APP: variants seen among roughly 807,000 people sequenced by gnomAD.
APP encodes amyloid beta precursor protein, also known as amyloid-beta precursor protein.
A neutral mutation model predicts 101.4 loss-of-function variants in APP; 31 were observed. The ratio of observed to expected loss-of-function variants is 0.31; its 90% CI spans 0.23 to 0.41. The LOEUF (loss-of-function observed/expected upper bound fraction) is 0.41, where lower values mean the gene tolerates loss of function less well. Ranked by LOEUF, APP falls within the 10% of genes least tolerant of loss-of-function variation. The pLI, the probability that APP is intolerant of heterozygous loss-of-function variation, is 1.00. For synonymous variants in APP, 366 were observed against 364.4 expected (o/e 1.00, Z -0.05); for missense variants, 839 against 1,003.7 (o/e 0.84, Z 2.22).
chr21:25,997,492 A>G, intron 7 of APP, 76 bp from the exon 8 acceptor site: 1 of 1,347,552 alleles, frequency 7.4e-7, no homozygotes, highest in South Asian at 1.2e-5. Context: ...GCACGAGTCC[A>G]CTGACAAAAA....
chr21:26,065,957 C>G (rs2046437944), intron 3 of APP, among the ~76,000 whole-genome samples: 1 of 152,170 alleles, frequency 6.6e-6, no homozygotes, highest in South Asian at 2.1e-4. Context: ...GATCAGTCTG[C>G]AGATTCATCT....
At chr21:25,894,222 T>G (rs940351510) in intron 16 of APP, among the ~76,000 whole-genome samples, 10 of 152,110 alleles carry the variant, frequency 6.6e-5, no homozygotes, top group African/African-American at 2.4e-4. Flanking sequence ...TACAGGGAGA[T>G]TACTGTTGTT....
At chr21:26,091,305 G>A (rs529806543) in intron 2 of APP, among the ~76,000 whole-genome samples, 58 of 152,326 alleles carry the variant, frequency 3.8e-4, no homozygotes, top group Middle Eastern at 3.4e-3. Context: ...CACTCCAGGG[G>A]CTAAAGAATG....
At chr21:25,951,396 A>G (rs1485303092) in intron 13 of APP, among the ~76,000 whole-genome samples, 1 of 152,200 alleles carries the variant, frequency 6.6e-6, no homozygotes, top group East Asian at 1.9e-4. Flanking sequence ...AGCAACTGTT[A>G]CCATTATTTA....
At chr21:25,885,196 A>T (rs899585249) in intron 17 of APP, among the ~76,000 whole-genome samples, 3 of 152,232 alleles carry the variant, frequency 2.0e-5, no homozygotes, top group African/African-American at 7.2e-5. Flanking sequence ...CTTGAAAGCT[A>T]GATGCGAAAA....
chr21:25,980,254 G>A (rs892847547), intron 9 of APP, among the ~76,000 whole-genome samples: 1 of 152,158 alleles, frequency 6.6e-6, no homozygotes, highest in Non-Finnish European at 1.5e-5. Context: ...CTGAGCATTC[G>A]GTGTTTATTT....
At chr21:26,025,506 A>T (rs915503191) in intron 5 of APP, among the ~76,000 whole-genome samples, 5 of 152,212 alleles carry the variant, frequency 3.3e-5, no homozygotes, top group Non-Finnish European at 7.3e-5. Flanking sequence ...CCGTGTTTCC[A>T]GGTGGGATGG....
At chr21:25,983,191 A>T (rs1212162352) in intron 8 of APP, among the ~76,000 whole-genome samples, 1 of 152,248 alleles carries the variant, frequency 6.6e-6, no homozygotes, top group Non-Finnish European at 1.5e-5. Context: ...CTGCTATATT[A>T]TGTAACTCAT....
At chr21:25,894,140 G>A (rs1462588781) in intron 16 of APP, among the ~76,000 whole-genome samples, 1 of 152,120 alleles carries the variant, frequency 6.6e-6, no homozygotes, top group Non-Finnish European at 1.5e-5. Context: ...CTACTGCTCA[G>A]AAAAGACTCA....
At chr21:26,169,691 A>G (rs2063698494) in intron 1 of APP, among the ~76,000 whole-genome samples, 1 of 152,180 alleles carries the variant, frequency 6.6e-6, no homozygotes, top group Non-Finnish European at 1.5e-5. Context: ...GCCGGGCGGG[A>G]GCCTCGGTGG....
chr21:25,902,337 G>A (rs1001432985), intron 15 of APP, among the ~76,000 whole-genome samples: 2 of 152,194 alleles, frequency 1.3e-5, no homozygotes, highest in African/African-American at 4.8e-5. Context: ...TCTCTAAAAT[G>A]TGAAGAAGAA....
intron 15 of APP, among the ~76,000 whole-genome samples, chr21:25,899,613 A>C (rs944332071): frequency 2.0e-5 from 3 of 152,186 alleles, no homozygotes; most frequent in African/African-American, 7.2e-5. Flanking sequence ...TTGGAAACAG[A>C]CCCACCAGGT....
intron 5 of APP, among the ~76,000 whole-genome samples, chr21:26,047,019 T>C (rs1418884404): frequency 6.6e-6 from 1 of 152,236 alleles, no homozygotes; most frequent in Non-Finnish European, 1.5e-5. Context: ...ACTGCATAAA[T>C]AGGTATTTTG....
chr21:26,130,954 A>G (rs1274583251), intron 1 of APP, among the ~76,000 whole-genome samples: 1 of 152,136 alleles, frequency 6.6e-6, no homozygotes, highest in Non-Finnish European at 1.5e-5. Context: ...TGTTGGTCAG[A>G]TGCAGTGGCT....
chr21:26,141,796 G>T (rs892062985), intron 1 of APP, among the ~76,000 whole-genome samples: 2 of 152,154 alleles, frequency 1.3e-5, no homozygotes, highest in African/African-American at 4.8e-5. Flanking sequence ...AGTAAGGGGA[G>T]TTTTCAAAAA....
intron 3 of APP, among the ~76,000 whole-genome samples, chr21:26,076,141 ACCTCG>A (rs2061493897): frequency 6.6e-6 from 1 of 151,982 alleles, no homozygotes; most frequent in Non-Finnish European, 1.5e-5. Context: ...TGATCTGCCC[ACCTCG>A]GCCTCCCAAA....
chr21:25,956,941 T>C (rs1057263694), intron 11 of APP, among the ~76,000 whole-genome samples: 1 of 152,184 alleles, frequency 6.6e-6, no homozygotes, highest in African/African-American at 2.4e-5. Flanking sequence ...CTCCCCTCTT[T>C]AATGTGAGAT....
At chr21:26,087,859 G>C (rs2061733768) in intron 3 of APP, among the ~76,000 whole-genome samples, 1 of 152,132 alleles carries the variant, frequency 6.6e-6, no homozygotes, top group Non-Finnish European at 1.5e-5. Flanking sequence ...ATGCAGTGTA[G>C]CACAACAAAT....
chr21:26,028,390 T>C lies in APP; in HGVS notation c.663-6348A>G, dbSNP rs933666458. ...CTTCAGAAATTCAACAGAGAAGTGATTGTTGCGAGCCAGAGGCATCTGAGT... is the reference window on the plus strand; with the variant it reads ...CTTCAGAAATTCAACAGAGAAGTGACTGTTGCGAGCCAGAGGCATCTGAGT... On this transcript the variant is annotated intron_variant, in intron 5 of 17. Coordinates refer to ENST00000346798, the MANE Select transcript of APP (RefSeq NM_000484.4). Among the ~76,000 whole-genome samples, 6 of 152,072 alleles carry C rather than the reference T, an allele frequency of 3.9e-5. No homozygotes were observed. The East Asian group carries it at 9.7e-4, about 24-fold the overall frequency.
Sources: allele counts gnomAD v4.1 joint callset (sites outside exome capture counted in the v4.1 genomes callset), GRCh38; gene constraint gnomAD v4.1.1; transcripts MANE v1.5; gene names NCBI Gene and HGNC (gene_info 2026-07-23, HGNC 2026-07-21).